Variants in SPATA31A3 observed in about 807,000 individuals in gnomAD.
SPATA31A3 encodes the protein spermatogenesis-associated protein 31A3.
For synonymous variants in SPATA31A3, 47 were observed against 419.3 expected, an observed-to-expected ratio of 0.11 and a Z score of 10.85; for missense variants, 132 against 1,094.6, an observed-to-expected ratio of 0.12 and a Z score of 12.41.
intron 1 of SPATA31A3, among the ~76,000 whole-genome samples, chr9:66,991,659 T>A (rs1479622123): frequency 1.6e-4 from 6 of 38,374 alleles, no homozygotes; most frequent in Non-Finnish European, 2.4e-4. Context: ...TCTCAAAAAA[T>A]AAAATAAAAT....
At chr9:66,991,772 G>A (rs1823327374) in intron 1 of SPATA31A3, among the ~76,000 whole-genome samples, 1 of 56,454 alleles carries the variant, frequency 1.8e-5, no homozygotes, top group African/African-American at 7.0e-5. Context: ...CACACACAGA[G>A]GGATTTTCAA....
chr9:66,987,206 T>C lies in SPATA31A3; in HGVS notation c.3292A>G (p.Lys1098Glu). The change falls in exon 4 of 4, where the codon AAG (lysine) becomes GAG (glutamate). Residue 1098 changes from lysine (K) to glutamate (E), a missense_variant. Transcript: ENST00000428649. Reference sequence around the variant, plus strand: ...GGGGGAAACATTGGCCTTTGGCTCTTGCATGAGCCTTGACAGTTTGGTTTT... The same window carrying C: ...GGGGGAAACATTGGCCTTTGGCTCTCGCATGAGCCTTGACAGTTTGGTTTT... 2.5e-6 allele frequency: 3 copies of C among 1,181,782 alleles called. 1 individual carries two copies. Among genetic ancestry groups the C allele is most frequent in the Admixed American group, 4.5e-5 (2 of 44,942 alleles). The allele number at this position is 1,181,782 out of a possible 1,614,324, so 73.2% of individuals were successfully genotyped here.
rs1436903814 is a variant in SPATA31A3, at chr9:66,987,492, CT to C, written c.3005del (p.Lys1002SerfsTer117). The stretch of plus-strand genomic sequence containing the variant: ...TAACAACCTCCTCCATAAGACACAG[CT>C]TTCTTGGATCTTGGGAGACAGACAC... On this transcript the variant is annotated frameshift_variant, in exon 4 of 4. Coordinates refer to ENST00000428649, the Ensembl canonical transcript of SPATA31A3. LOFTEE classifies it low-confidence loss of function (END_TRUNC). 1 of 1,159,416 alleles carries C rather than the reference CT, an allele frequency of 8.6e-7. No homozygotes were observed. Among genetic ancestry groups the C allele is most frequent in the Non-Finnish European group, 1.2e-6 (1 of 833,290 alleles). 71.8% of individuals were successfully genotyped at this position (1,159,416 alleles called of 1,614,324 possible).
rs750970528 is a variant in SPATA31A3, at chr9:66,988,584, G to A, written c.1914C>T (p.Gly638=). 6 of 1,171,352 alleles carry A rather than the reference G, an allele frequency of 5.1e-6. 1 individual carries two copies. In the Admixed American group the frequency reaches 1.4e-4, roughly 27 times the overall value. 72.6% of individuals were successfully genotyped at this position (1,171,352 alleles called of 1,614,324 possible). ...TGGAGGACTGCCAGGGACTGGGTTT[G>A]CCCTTGGCCTGACTTGTCCCTGGTG... The change falls in exon 4 of 4, where the codon GGC becomes GGT. Residue 638 remains glycine, a synonymous_variant. Coordinates refer to ENST00000428649, the Ensembl canonical transcript of SPATA31A3.
exon 4 of SPATA31A3, chr9:66,988,422 C>T (rs1213094410): frequency 1.3e-6 from 2 of 1,558,380 alleles, no homozygotes; most frequent in East Asian, 4.6e-5. Flanking sequence ...CCCCCAGAAC[C>T]TTCCGTGGGA....
chr9:66,990,240 G>C (rs1252655684), intron 3 of SPATA31A3, 51 bp from the exon 4 acceptor site: 1 of 1,562,496 alleles, frequency 6.4e-7, no homozygotes, highest in Non-Finnish European at 8.7e-7. Flanking sequence ...TGGGGCCGGA[G>C]GGCAGAGTGG....
Sources: allele counts gnomAD v4.1 joint callset (sites outside exome capture counted in the v4.1 genomes callset), GRCh38; gene constraint gnomAD v4.1.1; transcripts MANE v1.5; gene names NCBI Gene and HGNC (gene_info 2026-07-23, HGNC 2026-07-21).